DTNA: variants seen among roughly 807,000 people sequenced by gnomAD.
DTNA encodes the protein dystrobrevin alpha, also known as dystrophin-related protein 3.
A neutral mutation model predicts 100.7 loss-of-function variants in DTNA; 43 were observed. The ratio of observed to expected loss-of-function variants is 0.43; its 90% CI spans 0.33 to 0.55. The LOEUF (loss-of-function observed/expected upper bound fraction) is 0.55, where lower values mean the gene tolerates loss of function less well. Among genes scored for constraint, DTNA ranks in the 20% least tolerant of loss-of-function variants. The pLI is 0.04. For missense variants in DTNA, 798 were observed against 953.9 expected (o/e 0.84, Z 2.15); for synonymous variants, 349 against 347.9 (o/e 1.00, Z -0.04).
intron 3 of DTNA, among the ~76,000 whole-genome samples, chr18:34,776,826 T>A (rs1438716710): frequency 6.6e-6 from 1 of 152,104 alleles, no homozygotes; most frequent in Non-Finnish European, 1.5e-5. Context: ...TCTGCCCTCA[T>A]CTCCTCCCAC....
intron 1 of DTNA, among the ~76,000 whole-genome samples, chr18:34,646,098 G>A (rs1329444190): frequency 6.6e-6 from 1 of 152,044 alleles, no homozygotes; most frequent in East Asian, 1.9e-4. Flanking sequence ...TGTGCTTCCT[G>A]CCTTTTCAGT....
intron 1 of DTNA, among the ~76,000 whole-genome samples, chr18:34,738,523 A>G (rs1183080836): frequency 2.0e-5 from 3 of 152,086 alleles, no homozygotes; most frequent in African/African-American, 7.2e-5. Context: ...CTAGATTACC[A>G]AGCAAACCAG....
chr18:34,536,784 C>T (rs1480211900), intron 1 of DTNA, among the ~76,000 whole-genome samples: 3 of 151,774 alleles, frequency 2.0e-5, no homozygotes, highest in Admixed American at 6.6e-5. Context: ...ACCCATATAC[C>T]AAATTACCCT....
At chr18:34,637,179 G>A (rs1278825215) in intron 1 of DTNA, among the ~76,000 whole-genome samples, 1 of 152,182 alleles carries the variant, frequency 6.6e-6, no homozygotes, top group Non-Finnish European at 1.5e-5. Context: ...TCCTAATGTT[G>A]TGCCAAGAGC....
intron 1 of DTNA, among the ~76,000 whole-genome samples, chr18:34,677,466 C>T (rs958633329): frequency 3.3e-5 from 5 of 152,154 alleles, no homozygotes; most frequent in Admixed American, 6.6e-5. Context: ...AGTGATTTCT[C>T]GAGTGATTCT....
intron 21 of DTNA, 45 bp downstream of exon 21, chr18:34,882,246 C>T (rs1437409815): frequency 1.2e-6 from 2 of 1,608,836 alleles, no homozygotes; most frequent in Non-Finnish European, 8.5e-7. Flanking sequence ...TCTGCCTCAA[C>T]CCCTTGGTAG....
chr18:34,555,587 G>A (rs975297578), intron 1 of DTNA, among the ~76,000 whole-genome samples: 2 of 152,028 alleles, frequency 1.3e-5, no homozygotes, highest in African/African-American at 4.8e-5. Context: ...CTTTGTTCTC[G>A]TTGGTTTCAA....
At chr18:34,829,360 T>C (rs942452387) in intron 10 of DTNA, 40 bp from the exon 11 acceptor site, 4 of 1,534,692 alleles carry the variant, frequency 2.6e-6, no homozygotes, top group African/African-American at 1.4e-5. Context: ...GCTCTGTCCA[T>C]GGGAAGTTTT....
chr18:34,819,455 G>A (rs573463136), intron 8 of DTNA, among the ~76,000 whole-genome samples: 3 of 152,216 alleles, frequency 2.0e-5, no homozygotes, highest in African/African-American at 7.2e-5. Flanking sequence ...ACATTAACAC[G>A]GATCATGAAC....
rs562282960 is a variant in DTNA, at chr18:34,612,088, G to A, written c.-2+118574G>A. Among the ~76,000 whole-genome samples the A allele has an allele frequency of 6.1e-4, 93 of 152,342 alleles. No individual in the cohort carries two copies. The South Asian group carries it at 7.9e-3, about 13-fold the overall frequency. ...AGCCAGCTGACACGGGCCACCGCGC[G>A]TGAGCTCACCGGCTGGCAAGGACAT... On this transcript the variant is annotated intron_variant, in intron 1 of 19. Coordinates refer to the DTNA transcript ENST00000283365.
At chr18:34,732,189 G>A (rs1013467377) in intron 1 of DTNA, among the ~76,000 whole-genome samples, 14 of 152,164 alleles carry the variant, frequency 9.2e-5, no homozygotes, top group African/African-American at 3.4e-4. Context: ...TTTATTTGAA[G>A]TAGTTTATTT....
chr18:34,738,545 CTT>C (rs2090060003), intron 1 of DTNA, among the ~76,000 whole-genome samples: 1 of 152,192 alleles, frequency 6.6e-6, no homozygotes, highest in Admixed American at 6.5e-5. Flanking sequence ...CTGAGTCCAG[CTT>C]TGAAGCTGGG....
intron 1 of DTNA, among the ~76,000 whole-genome samples, chr18:34,538,900 A>G (rs991981633): frequency 5.9e-5 from 9 of 152,060 alleles, no homozygotes; most frequent in South Asian, 2.1e-4. Context: ...ATTTTGTCCA[A>G]TTTGCTTATT....
chr18:34,549,805 T>G (rs1343228920), intron 1 of DTNA, among the ~76,000 whole-genome samples: 1 of 152,140 alleles, frequency 6.6e-6, no homozygotes, highest in African/African-American at 2.4e-5. Context: ...TTACTAATGA[T>G]AATGACTGTA....
chr18:34,882,828 G>C (rs1391983073), intron 21 of DTNA, among the ~76,000 whole-genome samples: 1 of 152,168 alleles, frequency 6.6e-6, no homozygotes, highest in Non-Finnish European at 1.5e-5. Flanking sequence ...TGGATACAAA[G>C]AACAGGGCAC....
In DTNA at chr18:34,888,523, T is replaced by A. The variant is rs2096942069; in HGVS notation, c.*789T>A. ...CTCTAATCAGCCATAGAATTTAGTG[T>A]AAATATTTTTTTTTCCAAATAGATA... On this transcript the variant is annotated 3_prime_UTR_variant, in exon 23 of 23. Transcript: ENST00000444659. 1 of 985,640 alleles carries A rather than the reference T, an allele frequency of 1.0e-6. No individual in the cohort carries two copies. Among genetic ancestry groups the A allele is most frequent in the Non-Finnish European group, 1.2e-6 (1 of 829,866 alleles). 61.1% of individuals were successfully genotyped at this position (985,640 alleles called of 1,614,324 possible). A position where few individuals can be genotyped will look rare whatever the true frequency, so the allele number is the denominator to read the frequency against.
intron 1 of DTNA, among the ~76,000 whole-genome samples, chr18:34,656,633 C>G (rs759601982): frequency 4.6e-5 from 7 of 152,088 alleles, no homozygotes; most frequent in Non-Finnish European, 1.0e-4. Flanking sequence ...TGTGTTTTTT[C>G]TTTTGTAGGT....
At chr18:34,566,760 A>G (rs1449455894) in intron 1 of DTNA, among the ~76,000 whole-genome samples, 1 of 152,218 alleles carries the variant, frequency 6.6e-6, no homozygotes, top group African/African-American at 2.4e-5. Flanking sequence ...TGAATCCACT[A>G]TGAAACATCA....
intron 3 of DTNA, among the ~76,000 whole-genome samples, chr18:34,769,988 T>C (rs7235519): frequency 0.82 from 123,972 of 151,632 alleles, 51,110 homozygotes; most frequent in East Asian, 0.91. Flanking sequence ...CCCAAAGTGC[T>C]AGGATTACAG....
Sources: gnomAD v4.1 joint callset for allele counts (sites outside exome capture counted in the v4.1 genomes callset) on GRCh38, gnomAD v4.1.1 for gene constraint, MANE v1.5 for transcripts, NCBI Gene and HGNC (gene_info 2026-07-23, HGNC 2026-07-21) for gene names.